Variants in ABCA8 observed in about 807,000 individuals in gnomAD.
ABCA8 encodes ABC-type organic anion transporter ABCA8.
ABCA8 carries 177 observed loss-of-function variants against 192.3 expected under a neutral mutation model. The ratio of observed to expected loss-of-function variants is 0.92; its 90% CI spans 0.81 to 1.04. ABCA8 has a LOEUF of 1.04. ABCA8 is among the 50% of genes least tolerant of loss of function. The pLI is 0.00. For synonymous variants in ABCA8, 642 were observed against 690.2 expected (o/e 0.93, Z 1.09); for missense variants, 1,915 against 1,904.8 (o/e 1.01, Z -0.10).
intron 2 of ABCA8, among the ~76,000 whole-genome samples, chr17:68,942,390 T>C (rs1221318320): frequency 2.0e-5 from 3 of 152,222 alleles, no homozygotes; most frequent in African/African-American, 7.2e-5. Flanking sequence ...GAGAGGACAG[T>C]AGAGACACTG....
At chr17:68,898,705 G>A (rs1425497942) in intron 21 of ABCA8, among the ~76,000 whole-genome samples, 2 of 152,052 alleles carry the variant, frequency 1.3e-5, no homozygotes, top group Admixed American at 1.3e-4. Context: ...GGAGGCAGGT[G>A]GAAGCCTAGC....
intron 24 of ABCA8, among the ~76,000 whole-genome samples, chr17:68,889,117 C>T (rs1405373337): frequency 6.6e-6 from 1 of 152,168 alleles, no homozygotes; most frequent in Non-Finnish European, 1.5e-5. Context: ...TCTTGAGATT[C>T]CTGCATGTTC....
intron 30 of ABCA8, 101 bp from the exon 31 acceptor site, chr17:68,882,081 C>T (rs2066350082): frequency 2.1e-6 from 2 of 965,596 alleles, no homozygotes; most frequent in Non-Finnish European, 3.2e-6. Context: ...GTTGCCCCAG[C>T]CATGCATCAA....
chr17:68,918,596 TA>T lies in ABCA8; in HGVS notation c.1789-51del, dbSNP rs545626863. 344 of 1,427,146 alleles carry T rather than the reference TA, an allele frequency of 2.4e-4. No homozygotes were observed. In the African/African-American group the frequency reaches 4.6e-3, roughly 19 times the overall value. 88.4% of individuals were successfully genotyped at this position (1,427,146 alleles called of 1,614,324 possible). ...CATACACCAAAATTTATTCCTTTTT[TA>T]AAAATTTATAAATACAAGGCTGTAA... On this transcript the variant is annotated intron_variant, in intron 14 of 39. Coordinates refer to ENST00000586539, the MANE Select transcript of ABCA8 (RefSeq NM_001288985.2).
At position 68,911,734 on chromosome 17, in the gene ABCA8, T is replaced by TACACACACAC. The variant is rs60957466; in HGVS notation, c.2139-3865_2139-3856dup. Among the ~76,000 whole-genome samples the TACACACACAC allele has an allele frequency of 0.032, 4,597 of 144,008 alleles. 94 individuals are homozygous for TACACACACAC. The highest frequency in any genetic ancestry group is 0.047 in the Non-Finnish European group (3,096 of 65,226). The allele number at this position is 144,008 out of a possible 152,430, so 94.5% of individuals were successfully genotyped here. A position where few individuals can be genotyped will look rare whatever the true frequency, so the allele number is the denominator to read the frequency against. The stretch of plus-strand genomic sequence containing the variant: ...CCTCTGCCAGCTCCAGACAGCTCAA[T>TACACACACAC]ACACACACACACACACACACACACA... On this transcript the variant is annotated intron_variant, in intron 17 of 39. Transcript: ENST00000586539. This position sits in a 1 kb window ranked among gnomAD's most constrained non-coding sequence, Gnocchi z 5.7.
intron 9 of ABCA8, among the ~76,000 whole-genome samples, chr17:68,928,610 T>A (rs546662625): frequency 6.6e-6 from 1 of 152,338 alleles, no homozygotes; most frequent in East Asian, 1.9e-4. Flanking sequence ...AAGAATCACA[T>A]AAACAGAAAA....
chr17:68,945,052 A>T (rs1598296186), intron 2 of ABCA8: 1 of 152,344 alleles, frequency 6.6e-6, no homozygotes, highest in Non-Finnish European at 1.5e-5. Context: ...CTGAGCAAAA[A>T]GCTATGGCAG....
intron 32 of ABCA8, chr17:68,878,296 A>T (rs946428601): frequency 6.6e-6 from 1 of 152,286 alleles, no homozygotes; most frequent in East Asian, 1.9e-4. Context: ...CAAAGAGGAG[A>T]AGATGCTAGT....
intron 24 of ABCA8, among the ~76,000 whole-genome samples, chr17:68,889,967 G>T (rs1207713316): frequency 6.6e-6 from 1 of 152,018 alleles, no homozygotes; most frequent in Admixed American, 6.6e-5. Context: ...GGGACACTTG[G>T]GTTGTTTCAA....
chr17:68,933,073 C>T lies in ABCA8; in HGVS notation c.570+95G>A, dbSNP rs918896744. 13 of 845,060 alleles carry T rather than the reference C, an allele frequency of 1.5e-5. No individual in the cohort carries two copies. The African/African-American group carries it at 2.2e-4, about 14-fold the overall frequency. 52.3% of individuals were successfully genotyped at this position (845,060 alleles called of 1,614,324 possible). ...AGAGTGAGCAAAGGAAATAACAAGG[C>T]TATCCACTTATATTTTCTTCCATGA... On this transcript the variant is annotated intron_variant, in intron 6 of 39. Coordinates refer to ENST00000586539, the MANE Select transcript of ABCA8 (RefSeq NM_001288985.2).
intron 9 of ABCA8, among the ~76,000 whole-genome samples, chr17:68,928,679 T>G (rs1337684636): frequency 6.6e-6 from 1 of 152,234 alleles, no homozygotes; most frequent in Non-Finnish European, 1.5e-5. Context: ...TTTAAATTTT[T>G]AATTTAATTT....
rs572032605 is a variant in ABCA8, at chr17:68,874,321, T to A, written c.4631+939A>T. Among the ~76,000 whole-genome samples the A allele has an allele frequency of 5.3e-5, 8 of 152,366 alleles. No individual in the cohort carries two copies. In the South Asian group the frequency reaches 1.7e-3, roughly 32 times the overall value. ...TCCTTCTCCTCCATCCTACTCAAAC[T>A]GCCTTCCTAATAGAGGATAATGTAA... On this transcript the variant is annotated intron_variant, in intron 37 of 39. Coordinates refer to ENST00000586539, the MANE Select transcript of ABCA8 (RefSeq NM_001288985.2).
At chr17:68,931,700 A>G (rs2067881753) in intron 7 of ABCA8, 1 of 150,922 alleles carries the variant, frequency 6.6e-6, no homozygotes, top group Admixed American at 6.6e-5. Flanking sequence ...ATTGTTAAAT[A>G]TATTAAATGA....
intron 2 of ABCA8, among the ~76,000 whole-genome samples, chr17:68,944,316 TTATATATATA>T (rs1177610587): frequency 1.5e-3 from 44 of 29,290 alleles, no homozygotes; most frequent in South Asian, 5.1e-3. Context: ...GAACTTAAAG[TTATATATATA>T]TATATATATA....
At chr17:68,913,053 C>A (rs2067263496) in intron 17 of ABCA8, among the ~76,000 whole-genome samples, 1 of 152,014 alleles carries the variant, frequency 6.6e-6, no homozygotes, top group Non-Finnish European at 1.5e-5. Context: ...CAAATAGCTT[C>A]TCTGACCACA....
At chr17:68,946,428 A>G (rs2068410871) in intron 2 of ABCA8, among the ~76,000 whole-genome samples, 3 of 152,190 alleles carry the variant, frequency 2.0e-5, no homozygotes, top group Non-Finnish European at 1.5e-5. Context: ...ATTCACAATG[A>G]CATAAGATTG....
Position 68,929,676 on chromosome 17 carries a change from C to G in ABCA8, c.824G>C (p.Gly275Ala), listed in dbSNP as rs749151840. Reference protein sequence around the residue: ...FWLSWGLLYAGFIFIMALFLA... With the variant: ...FWLSWGLLYAAFIFIMALFLA... The stretch of plus-strand genomic sequence containing the variant: ...GAAAAGGGCCATAATGAAGATGAAA[C>G]CAGCATAGAGCAAACCCCAGGAGAG... The change falls in exon 8 of 40, where the codon GGT becomes GCT. Residue 275 changes from glycine to alanine, a missense_variant. By Grantham distance (60) the Gly-to-Ala change is moderately conservative (BLOSUM62 0). Coordinates refer to ENST00000586539, the MANE Select transcript of ABCA8 (RefSeq NM_001288985.2). 6.2e-6 allele frequency: 10 copies of G among 1,613,316 alleles called. No individual in the cohort carries two copies. Among genetic ancestry groups the G allele is most frequent in the Admixed American group, 1.7e-5 (1 of 59,960 alleles).
At chr17:68,931,761 C>CTTTTTTTTTTTTT (rs71144640) in intron 7 of ABCA8, 9 of 96,194 alleles carry the variant, frequency 9.4e-5, no homozygotes, top group Non-Finnish European at 1.6e-4. Context: ...AATACATTTC[C>CTTTTTTTTTTTTT]TTTTTTTTTT....
In ABCA8 at chr17:68,901,588, A is replaced by T. The variant is rs2066913498; in HGVS notation, c.2764+1125T>A. On this transcript the variant is annotated intron_variant, in intron 21 of 39. Transcript: ENST00000586539. ...TTTGGGAGGCTGAGGCGGGCGGATC[A>T]CGAGGTCAAGAGATCAAGACCATCC... Among the ~76,000 whole-genome samples, 3 of 152,240 alleles carry T rather than the reference A, an allele frequency of 2.0e-5. No individual in the cohort carries two copies. The South Asian group carries it at 6.2e-4, about 32-fold the overall frequency.
Sources: allele counts gnomAD v4.1 joint callset (sites outside exome capture counted in the v4.1 genomes callset), GRCh38; gene constraint gnomAD v4.1.1; non-coding constraint Gnocchi (gnomAD v3.1); transcripts MANE v1.5; gene names NCBI Gene and HGNC (gene_info 2026-07-23, HGNC 2026-07-21).